MACF1: variants seen among roughly 807,000 people sequenced by gnomAD.
MACF1 encodes microtubule-actin cross-linking factor 1.
MACF1 carries 193 observed loss-of-function variants against 854.8 expected under a neutral mutation model. The ratio of observed to expected loss-of-function variants is 0.23; its 90% CI spans 0.20 to 0.25. MACF1 has a LOEUF of 0.25. Among genes scored for constraint, MACF1 ranks in the 10% least tolerant of loss-of-function variants. The probability of loss-of-function intolerance (pLI) is 1.00; values close to 1 mark genes in which losing one functional copy is unlikely to be tolerated. For synonymous variants in MACF1, 3,185 were observed against 3,226.7 expected (o/e 0.99, Z 0.44); for missense variants, 7,722 against 8,929.1 (o/e 0.86, Z 5.45).
Position 39,249,861 on chromosome 1 carries a change from T to G in MACF1, c.172-153T>G, listed in dbSNP as rs975859489. ...TATTATCATTTCACATGTATTTTATTCCAATCTGAAACTTCCTGAATTTTA... is the reference window on the plus strand; with the variant it reads ...TATTATCATTTCACATGTATTTTATGCCAATCTGAAACTTCCTGAATTTTA... On this transcript the variant is annotated intron_variant, in intron 2 of 100. Transcript: ENST00000564288. The G allele has an allele frequency of 9.7e-6, 5 of 515,634 alleles. No homozygotes were observed. The African/African-American group carries it at 9.8e-5, about 10-fold the overall frequency. The allele number at this position is 515,634 out of a possible 1,614,324, so 31.9% of individuals were successfully genotyped here.
At chr1:39,431,245 T>G (rs1643871462) in intron 66 of MACF1, among the ~76,000 whole-genome samples, 1 of 152,166 alleles carries the variant, frequency 6.6e-6, no homozygotes, top group African/African-American at 2.4e-5. Flanking sequence ...CAATCTTAGT[T>G]TGACATAATT....
At chr1:39,361,817 C>G (rs1484954274) in intron 49 of MACF1, 140 bp downstream of exon 49, 1 of 778,462 alleles carries the variant, frequency 1.3e-6, no homozygotes, top group Non-Finnish European at 2.1e-6. Flanking sequence ...ACAGTGATCC[C>G]GTAAACTAGG....
At chr1:39,153,576 G>A (rs557952193) in intron 2 of MACF1, among the ~76,000 whole-genome samples, 21 of 152,272 alleles carry the variant, frequency 1.4e-4, no homozygotes, top group Admixed American at 1.2e-3. Flanking sequence ...GTGAAGCATA[G>A]GTCTAATCCA....
chr1:39,368,712 G>C (rs1173028349), intron 50 of MACF1, among the ~76,000 whole-genome samples: 3 of 152,112 alleles, frequency 2.0e-5, no homozygotes, highest in Admixed American at 2.0e-4. Flanking sequence ...ACACTGGCCA[G>C]GCTGGTCTCG....
chr1:39,208,925 C>T (rs1036261004), intron 1 of MACF1, among the ~76,000 whole-genome samples: 1 of 151,910 alleles, frequency 6.6e-6, no homozygotes, highest in Non-Finnish European at 1.5e-5. Flanking sequence ...TATTACTCAT[C>T]TCAGTATCTG....
Position 39,187,990 on chromosome 1 carries a change from C to CCCCTT in MACF1, c.221-43188_221-43187insTCCCT, listed in dbSNP as rs1386965429. On this transcript the variant is annotated intron_variant, in intron 2 of 93. Coordinates refer to the MACF1 transcript ENST00000361689. Reference sequence around the variant, plus strand: ...CCTCTCCCCTCCTCTCCCCTCCCCTCCCCTCCCCTTCCCTTCCCTTTCTTT... The same window carrying CCCCTT: ...CCTCTCCCCTCCTCTCCCCTCCCCTCCCCTTCCCTCCCCTTCCCTTCCCTTTCTTT... Among the ~76,000 whole-genome samples, 255 of 142,334 alleles carry CCCCTT rather than the reference C, an allele frequency of 1.8e-3. 2 individuals are homozygous for CCCCTT. The highest frequency in any genetic ancestry group is 6.4e-3 in the African/African-American group (246 of 38,524). 93.4% of individuals were successfully genotyped at this position (142,334 alleles called of 152,430 possible). A position where few individuals can be genotyped will look rare whatever the true frequency, so the allele number is the denominator to read the frequency against.
chr1:39,129,005 T>A (rs1642930450), intron 2 of MACF1, among the ~76,000 whole-genome samples: 5 of 152,176 alleles, frequency 3.3e-5, no homozygotes, highest in Admixed American at 3.3e-4. Context: ...TTCTTTCTAG[T>A]CCCAATTTTG....
At chr1:39,438,496 AG>A (rs1302884700) in intron 71 of MACF1, among the ~76,000 whole-genome samples, 3 of 152,258 alleles carry the variant, frequency 2.0e-5, no homozygotes, top group Non-Finnish European at 2.9e-5. Context: ...TATAAATAAT[AG>A]GCCGGAGCCA....
intron 48 of MACF1, 87 bp from the exon 49 acceptor site, chr1:39,361,273 T>C: frequency 7.6e-7 from 1 of 1,317,988 alleles, no homozygotes. Flanking sequence ...CAGTCCCCCT[T>C]GTGAGATAGC....
chr1:39,268,986 T>C (rs1164776598), intron 6 of MACF1: 5 of 1,286,930 alleles, frequency 3.9e-6, no homozygotes, highest in Non-Finnish European at 4.1e-6. Context: ...AGCCCCCAAC[T>C]CACGGGTAGT....
intron 2 of MACF1, among the ~76,000 whole-genome samples, chr1:39,172,085 G>A (rs756764742): frequency 2.0e-5 from 3 of 152,232 alleles, no homozygotes; most frequent in Non-Finnish European, 2.9e-5. Context: ...GACTCTGAAT[G>A]TTGCACATCA....
At chr1:39,323,068 G>A (rs1206820380) in intron 33 of MACF1, 60 bp downstream of exon 33, 14 of 1,496,438 alleles carry the variant, frequency 9.4e-6, no homozygotes, top group African/African-American at 1.4e-5. Flanking sequence ...TAGCCAGCAC[G>A]GTGGTGTGTG....
intron 58 of MACF1, chr1:39,412,927 A>G (rs199819105): frequency 3.8e-5 from 61 of 1,605,392 alleles, no homozygotes; most frequent in East Asian, 1.3e-4. Context: ...AGTTGCTTCA[A>G]TAGTCTCCTT....
rs369605640 is a variant in MACF1, at chr1:39,447,815, G to A, written c.19885G>A (p.Val6629Met). The change falls in exon 82 of 101, where the codon GTG becomes ATG. Residue 6629 changes from valine (V) to methionine (M), a missense_variant. Around this residue, in one of 15 missense-constraint regions of MACF1, gnomAD observed 729 missense variants for 900.5 expected, o/e 0.81. Transcript: ENST00000564288. ...VVLIKNLLVS[V>M]QSRWEKVVQR... Reference sequence around the variant, plus strand: ...TCTGATCAAGAATTTGTTGGTGAGCGTGCAGTCTCGATGGGAGAAGGTTGT... The same window carrying A: ...TCTGATCAAGAATTTGTTGGTGAGCATGCAGTCTCGATGGGAGAAGGTTGT... 31 of 1,613,826 alleles carry A rather than the reference G, an allele frequency of 1.9e-5. No homozygotes were observed. The highest frequency in any genetic ancestry group is 5.3e-5 in the African/African-American group (4 of 74,852).
At position 39,434,417 on chromosome 1, in the gene MACF1, A is replaced by G. The variant is rs779122379; in HGVS notation, c.17569A>G (p.Lys5857Glu). ...TTTTTTTTTTTTGCTCACATAGGAA[A>G]AGACAGAGTCTCTAATACAGCAATA... Reference protein sequence around the residue: ...GEEQKTVLQEKTESLIQQYEA... With the variant: ...GEEQKTVLQEETESLIQQYEA... The change falls in exon 69 of 101, where the codon AAG becomes GAG. Residue 5857 changes from lysine to glutamate, a missense_variant. By Grantham distance (56) the Lys-to-Glu change is moderately conservative (BLOSUM62 1). Coordinates refer to ENST00000564288, the MANE Select transcript of MACF1 (RefSeq NM_001394062.1). 35 of 1,562,760 alleles carry G rather than the reference A, an allele frequency of 2.2e-5. No individual in the cohort carries two copies. The highest frequency in any genetic ancestry group is 3.0e-5 in the Non-Finnish European group (35 of 1,153,928).
intron 51 of MACF1, 57 bp from the exon 52 acceptor site, chr1:39,372,422 C>A: frequency 1.1e-6 from 1 of 932,764 alleles, no homozygotes; most frequent in Non-Finnish European, 1.8e-6. Flanking sequence ...ACAGATGTCC[C>A]TACTTATGAG....
chr1:39,124,904 G>A (rs145750946), intron 2 of MACF1, among the ~76,000 whole-genome samples: 58 of 152,276 alleles, frequency 3.8e-4, no homozygotes, highest in Admixed American at 2.8e-3. Context: ...TTTGAGCTGA[G>A]ACACTCTTAT....
At position 39,372,596 on chromosome 1, in the gene MACF1, G is replaced by C. The variant is rs146021397; in HGVS notation, c.13213G>C (p.Gly4405Arg). Reference protein sequence around the residue: ...ITAPDSQGKTGSILPSVGSSV... With the variant: ...ITAPDSQGKTRSILPSVGSSV... ...AGCACCTGATTCCCAAGGCAAGACA[G>C]GTGAGTACAGGCTCTTCAAAATATA... The change falls in exon 52 of 101, where the codon GGT becomes CGT. Residue 4405 changes from glycine to arginine, a missense_variant and splice_region_variant. Coordinates refer to ENST00000564288, the MANE Select transcript of MACF1 (RefSeq NM_001394062.1). 6.5e-5 allele frequency: 103 copies of C among 1,586,288 alleles called. 1 individual carries two copies. In the African/African-American group the frequency reaches 1.2e-3, roughly 19 times the overall value.
chr1:39,216,990 A>T (rs17568616), intron 1 of MACF1, among the ~76,000 whole-genome samples: 4,546 of 152,208 alleles, frequency 0.03, 101 homozygotes, highest in Non-Finnish European at 0.041. Flanking sequence ...CCAACTGGGG[A>T]CATTGCTTAA....
Sources: allele counts gnomAD v4.1 joint callset (sites outside exome capture counted in the v4.1 genomes callset), GRCh38; gene constraint gnomAD v4.1.1; regional missense constraint gnomAD v4.1.1; transcripts MANE v1.5; gene names NCBI Gene and HGNC (gene_info 2026-07-23, HGNC 2026-07-21).